The following ZCCHC24 variants were observed in gnomAD, a reference collection of about 807,000 sequenced individuals.
ZCCHC24 encodes zinc finger CCHC domain-containing protein 24.
ZCCHC24 carries 10 observed loss-of-function variants against 26.2 expected under a neutral mutation model. That is an observed-to-expected ratio of 0.38 (90% CI 0.24 to 0.65). ZCCHC24 has a LOEUF of 0.65. Ranked by LOEUF, ZCCHC24 falls within the 30% of genes least tolerant of loss-of-function variation. ZCCHC24 has a pLI of 0.54. For synonymous variants in ZCCHC24, 144 were observed against 147.1 expected (o/e 0.98, Z 0.15); for missense variants, 243 against 329.1 (o/e 0.74, Z 2.03).
At chr10:79,390,173 G>T (rs1357471569) in intron 3 of ZCCHC24, among the ~76,000 whole-genome samples, 1 of 152,188 alleles carries the variant, frequency 6.6e-6, no homozygotes, top group East Asian at 1.9e-4. Flanking sequence ...GCCCAGCTGC[G>T]ATGATTGTCT....
chr10:79,433,549 C>T (rs184279963), intron 1 of ZCCHC24, among the ~76,000 whole-genome samples: 5 of 152,330 alleles, frequency 3.3e-5, no homozygotes, highest in African/African-American at 4.8e-5. Context: ...TGGAATTTAG[C>T]GAAGGTGGGG....
chr10:79,444,992 G>A (rs1295591021), intron 1 of ZCCHC24, among the ~76,000 whole-genome samples: 1 of 152,228 alleles, frequency 6.6e-6, no homozygotes, highest in Non-Finnish European at 1.5e-5. Flanking sequence ...CCCGGGCTCA[G>A]CCGGGAGGTG....
In ZCCHC24 at chr10:79,445,571, T is replaced by TGCGCCCC; in HGVS notation, c.-138_-132dup. On this transcript the variant is annotated 5_prime_UTR_variant, in exon 1 of 4. Coordinates refer to ENST00000372336, the MANE Select transcript of ZCCHC24 (RefSeq NM_153367.4). ...CCCCGACGGTGATCGCCCCGCGCCCTGCGCCCCGCGCGCTGCCCGCAGCCG... is the reference window on the plus strand; with the variant it reads ...CCCCGACGGTGATCGCCCCGCGCCCTGCGCCCCGCGCCCCGCGCGCTGCCCGCAGCCG... 1 of 801,588 alleles carries TGCGCCCC rather than the reference T, an allele frequency of 1.2e-6. No individual in the cohort carries two copies. The highest frequency in any genetic ancestry group is 1.6e-6 in the Non-Finnish European group (1 of 641,750). 49.7% of individuals were successfully genotyped at this position (801,588 alleles called of 1,614,324 possible).
At position 79,435,195 on chromosome 10, in the gene ZCCHC24, CCTTT is replaced by C. The variant is rs530753233; in HGVS notation, c.247-2441_247-2438del. On this transcript the variant is annotated intron_variant, in intron 1 of 3. Coordinates refer to ENST00000372336, the MANE Select transcript of ZCCHC24 (RefSeq NM_153367.4). ...CTCTTAATATTTTTTTCTTTTTCTTCCTTTCTTTCTTTCTTTTTTTTTTATTTTT... is the reference window on the plus strand; with the variant it reads ...CTCTTAATATTTTTTTCTTTTTCTTCCTTTCTTTCTTTTTTTTTTATTTTT... 1.2e-3 allele frequency among the ~76,000 whole-genome samples: 188 copies of C among 152,106 alleles called. 2 individuals are homozygous for C. Among genetic ancestry groups the C allele is most frequent in the Admixed American group, 7.0e-3 (107 of 15,272 alleles).
chr10:79,428,523 T>C (rs1200192063), intron 2 of ZCCHC24, among the ~76,000 whole-genome samples: 1 of 148,712 alleles, frequency 6.7e-6, no homozygotes, highest in Admixed American at 6.7e-5. Context: ...GTGGTGATGG[T>C]CATACAACGA....
chr10:79,415,061 C>T (rs766144682), intron 2 of ZCCHC24, among the ~76,000 whole-genome samples: 1 of 152,194 alleles, frequency 6.6e-6, no homozygotes, highest in South Asian at 2.1e-4. Context: ...AGGACTTCTG[C>T]CCCTGGGGTA....
chr10:79,430,339 C>T (rs79116414), intron 2 of ZCCHC24, among the ~76,000 whole-genome samples: 5,006 of 152,146 alleles, frequency 0.033, 129 homozygotes, highest in Middle Eastern at 0.092. Context: ...CAGGAGAAGG[C>T]CTCAATCAGC....
In ZCCHC24 at chr10:79,434,668, C is replaced by T. The variant is rs190600219; in HGVS notation, c.247-1910G>A. 9.2e-5 allele frequency among the ~76,000 whole-genome samples: 14 copies of T among 152,346 alleles called. 1 individual carries two copies. The highest frequency in any genetic ancestry group is 2.4e-4 in the African/African-American group (10 of 41,574). The stretch of plus-strand genomic sequence containing the variant: ...TAACAAACAGTTTTCTGGGCCCCAC[C>T]TCAGACCTACCAAAGCAGCCACCTG... On this transcript the variant is annotated intron_variant, in intron 1 of 3. Transcript: ENST00000372336.
intron 2 of ZCCHC24, 64 bp from the exon 3 acceptor site, chr10:79,394,504 T>A: frequency 6.3e-7 from 1 of 1,574,846 alleles, no homozygotes; most frequent in Non-Finnish European, 8.6e-7. Flanking sequence ...CCCCACAGGG[T>A]TCCCCTGGCC....
At position 79,416,861 on chromosome 10, in the gene ZCCHC24, G is replaced by A. The variant is rs185009702; in HGVS notation, c.447+15697C>T. Among the ~76,000 whole-genome samples the A allele has an allele frequency of 3.2e-3, 492 of 152,202 alleles. 2 individuals are homozygous for A. Among genetic ancestry groups the A allele is most frequent in the African/African-American group, 0.011 (467 of 41,518 alleles). ...CCATGAGAAGATTAGAGGAGTCAAT[G>A]GGTGAAAAGTGCTCAGAGCAGTGCC... On this transcript the variant is annotated intron_variant, in intron 2 of 3. Transcript: ENST00000372336.
intron 2 of ZCCHC24, among the ~76,000 whole-genome samples, chr10:79,409,526 G>A (rs961072093): frequency 3.9e-5 from 6 of 152,224 alleles, no homozygotes; most frequent in African/African-American, 1.2e-4. Context: ...GCGTGGGTCT[G>A]GCACAGGACA....
chr10:79,445,321 G>C lies in ZCCHC24; in HGVS notation c.120C>G (p.Phe40Leu). The C allele has an allele frequency of 6.6e-7, 1 of 1,520,140 alleles. No homozygotes were observed. The highest frequency in any genetic ancestry group is 8.8e-7 in the Non-Finnish European group (1 of 1,136,026). 94.2% of individuals were successfully genotyped at this position (1,520,140 alleles called of 1,614,324 possible). The change falls in exon 1 of 4, where the codon TTC (phenylalanine) becomes TTG (leucine). Residue 40 changes from phenylalanine to leucine, a missense_variant. Transcript: ENST00000372336. ...CGGCGCCGGCGGTCGGCTCGGGCCGGAAGGCATCGAAGGCGCTAGCCTGGT... is the reference window on the plus strand; with the variant it reads ...CGGCGCCGGCGGTCGGCTCGGGCCGCAAGGCATCGAAGGCGCTAGCCTGGT... The part of the protein sequence containing the change: ...DTHQASAFDA[F>L]RPEPTAGAAP...
At chr10:79,434,706 C>T (rs989427027) in intron 1 of ZCCHC24, among the ~76,000 whole-genome samples, 4 of 152,108 alleles carry the variant, frequency 2.6e-5, no homozygotes, top group South Asian at 2.1e-4. Flanking sequence ...ATCGAGGGCC[C>T]GAAATCTGTA....
intron 2 of ZCCHC24, among the ~76,000 whole-genome samples, chr10:79,423,764 T>C (rs982515233): frequency 1.3e-5 from 2 of 150,520 alleles, no homozygotes; most frequent in Non-Finnish European, 3.0e-5. Flanking sequence ...CCGCCTATAA[T>C]TCCAGCATTT....
chr10:79,412,837 A>G (rs925386270), intron 2 of ZCCHC24, among the ~76,000 whole-genome samples: 1 of 152,232 alleles, frequency 6.6e-6, no homozygotes, highest in Admixed American at 6.5e-5. Context: ...AGTAGGGATA[A>G]TAAGATCGAT....
At chr10:79,443,697 G>A (rs1269029979) in intron 1 of ZCCHC24, among the ~76,000 whole-genome samples, 1 of 152,188 alleles carries the variant, frequency 6.6e-6, no homozygotes, top group African/African-American at 2.4e-5. Flanking sequence ...CCAGTCACTG[G>A]TCACCTGAAG....
chr10:79,386,022 GCT>G lies in ZCCHC24; in HGVS notation c.*321_*322del. The G allele has an allele frequency of 3.9e-6, 2 of 514,162 alleles. No homozygotes were observed. Among genetic ancestry groups the G allele is most frequent in the Non-Finnish European group, 3.5e-6 (1 of 286,884 alleles). The allele number at this position is 514,162 out of a possible 1,614,324, so 31.8% of individuals were successfully genotyped here. A position where few individuals can be genotyped will look rare whatever the true frequency, so the allele number is the denominator to read the frequency against. Reference sequence around the variant, plus strand: ...ATACAAGGCTGCTCACCCCAAAGAGGCTCTCAGAGGCGAGCCTGTGGGGACAC... The same window carrying G: ...ATACAAGGCTGCTCACCCCAAAGAGGCTCAGAGGCGAGCCTGTGGGGACAC... On this transcript the variant is annotated 3_prime_UTR_variant, in exon 4 of 4. Coordinates refer to ENST00000372336, the MANE Select transcript of ZCCHC24 (RefSeq NM_153367.4).
chr10:79,404,255 T>C (rs1856678722), intron 2 of ZCCHC24, among the ~76,000 whole-genome samples: 1 of 152,102 alleles, frequency 6.6e-6, no homozygotes, highest in Non-Finnish European at 1.5e-5. Flanking sequence ...AAGCCCCCTC[T>C]CCAAATCCCA....
At chr10:79,411,217 C>G (rs1341838357) in intron 2 of ZCCHC24, among the ~76,000 whole-genome samples, 5 of 152,162 alleles carry the variant, frequency 3.3e-5, no homozygotes, top group African/African-American at 1.2e-4. Context: ...ATGATCCACC[C>G]TAAAGCTGAT....
Sources: allele counts gnomAD v4.1 joint callset (sites outside exome capture counted in the v4.1 genomes callset), GRCh38; gene constraint gnomAD v4.1.1; transcripts MANE v1.5; gene names NCBI Gene and HGNC (gene_info 2026-07-23, HGNC 2026-07-21).